TBCEL: variants seen among roughly 807,000 people sequenced by gnomAD.
TBCEL encodes tubulin folding cofactor E like, also known as tubulin-specific chaperone cofactor E-like protein.
In TBCEL, 15 loss-of-function variants were observed where a neutral mutation model predicts 44.2. The observed-to-expected ratio is 0.34, with a 90% confidence interval of 0.23 to 0.52. TBCEL has a LOEUF of 0.52. TBCEL is among the 20% of genes least tolerant of loss of function. The pLI is 0.95. For missense variants in TBCEL, 319 were observed against 506.3 expected, an observed-to-expected ratio of 0.63 and a Z score of 3.55; for synonymous variants, 171 against 185.4, an observed-to-expected ratio of 0.92 and a Z score of 0.63.
At chr11:121,047,378 C>T in intron 3 of TBCEL, 150 bp from the exon 4 acceptor site, 2 of 904,862 alleles carry the variant, frequency 2.2e-6, no homozygotes, top group Admixed American at 2.6e-5. Context: ...GGATTCAGTA[C>T]CCTTTGGTCC....
chr11:121,078,619 A>G (rs558320197), intron 8 of TBCEL, among the ~76,000 whole-genome samples: 18 of 152,132 alleles, frequency 1.2e-4, no homozygotes, highest in South Asian at 8.3e-4. Context: ...TTTCATCCTC[A>G]TTTCATGCAC....
chr11:121,084,064 C>T (rs987484260), intron 8 of TBCEL, among the ~76,000 whole-genome samples: 2 of 152,294 alleles, frequency 1.3e-5, no homozygotes, highest in Non-Finnish European at 2.9e-5. Context: ...AACGGGTGGA[C>T]TCCCTCTATA....
At chr11:121,024,620 G>T (rs957431606) in intron 1 of TBCEL, among the ~76,000 whole-genome samples, 1 of 152,122 alleles carries the variant, frequency 6.6e-6, no homozygotes, top group African/African-American at 2.4e-5. Flanking sequence ...GAATCTAGGC[G>T]TCTCACCTTG....
chr11:121,028,324 G>T (rs1354476814), intron 1 of TBCEL, among the ~76,000 whole-genome samples: 5 of 152,202 alleles, frequency 3.3e-5, no homozygotes, highest in Admixed American at 3.3e-4. Context: ...AAGCTGTCTG[G>T]ATGATTCTTC....
At chr11:121,049,614 C>G (rs1314297531) in intron 4 of TBCEL, among the ~76,000 whole-genome samples, 1 of 151,812 alleles carries the variant, frequency 6.6e-6, no homozygotes, top group Admixed American at 6.6e-5. Flanking sequence ...TAACAAATTA[C>G]AGATTGTGCC....
rs558334236 is a variant in TBCEL, at chr11:121,077,926, G to T, written c.957-8852G>T. On this transcript the variant is annotated intron_variant, in intron 8 of 8. Coordinates refer to ENST00000683345, the MANE Select transcript of TBCEL (RefSeq NM_001363644.2). ...TTTCCTTATCTTTCCAGGGATTTTC[G>T]TCATCTTTCTGTTAATTATTTCCAG... Among the ~76,000 whole-genome samples the T allele has an allele frequency of 3.3e-5, 5 of 151,854 alleles. No individual in the cohort carries two copies. The South Asian group carries it at 1.0e-3, about 32-fold the overall frequency.
In TBCEL at chr11:121,060,042, A is replaced by G. The variant is rs1945691631; in HGVS notation, c.913A>G (p.Ile305Val). 3 of 1,611,770 alleles carry G rather than the reference A, an allele frequency of 1.9e-6. No individual in the cohort carries two copies. The highest frequency in any genetic ancestry group is 2.5e-6 in the Non-Finnish European group (3 of 1,178,550). ...GEREDSERFF[I>V]RYYVDVPQEE... ...ACGAGAAGATTCTGAGAGATTTTTT[A>G]TTCGTTACTATGTGGATGTTCCACA... Residue 305 changes from isoleucine (I) to valine (V), a missense_variant, in exon 8 of 9, where the codon ATT becomes GTT. Physicochemically the swap from Ile to Val is conservative, Grantham distance 29. Transcript: ENST00000683345.
intron 8 of TBCEL, among the ~76,000 whole-genome samples, chr11:121,068,602 G>T (rs927143310): frequency 6.6e-6 from 1 of 152,050 alleles, no homozygotes; most frequent in Admixed American, 6.5e-5. Context: ...AAACAACAGA[G>T]GCTGGGCGCA....
intron 6 of TBCEL, among the ~76,000 whole-genome samples, chr11:121,057,793 G>A (rs181686952): frequency 1.8e-4 from 28 of 151,512 alleles, no homozygotes; most frequent in African/African-American, 6.3e-4. Flanking sequence ...AGGGACTTGA[G>A]CATCTGCGGA....
At chr11:121,032,493 T>A (rs1477855342) in intron 1 of TBCEL, among the ~76,000 whole-genome samples, 10 of 152,214 alleles carry the variant, frequency 6.6e-5, no homozygotes, top group Admixed American at 6.5e-4. Context: ...TAGTTTCTGT[T>A]TAAAGACATT....
chr11:121,055,338 TG>T (rs1325827420), intron 6 of TBCEL, 30 bp downstream of exon 6: 1 of 1,551,622 alleles, frequency 6.4e-7, no homozygotes, highest in Non-Finnish European at 8.7e-7. Context: ...TTATTCTACA[TG>T]CAAATTAACC....
rs904950878 is a variant in TBCEL, at chr11:121,090,544, T to G, written c.*3448T>G. ...ACCAGATGTGTTGTGAACACTCTAC[T>G]ATTTTTCATAGGTGCTTCCTTGAAA... is the stretch of plus-strand genomic sequence containing the variant. On this transcript the variant is annotated 3_prime_UTR_variant, in exon 9 of 9. Transcript: ENST00000683345. The G allele has an allele frequency of 4.1e-4, 63 of 152,242 alleles. No homozygotes were observed. The highest frequency in any genetic ancestry group is 1.4e-3 in the African/African-American group (57 of 41,566). The allele number at this position is 152,242 out of a possible 1,614,324, so 9.4% of individuals were successfully genotyped here.
chr11:121,080,653 T>G (rs563576314), intron 8 of TBCEL, among the ~76,000 whole-genome samples: 5 of 152,320 alleles, frequency 3.3e-5, no homozygotes, highest in Admixed American at 3.3e-4. Flanking sequence ...AAAAAATTAA[T>G]GTTTGTTTTA....
intron 5 of TBCEL, 59 bp downstream of exon 5, chr11:121,053,791 G>A: frequency 6.6e-7 from 1 of 1,520,710 alleles, no homozygotes; most frequent in Non-Finnish European, 9.0e-7. Context: ...TAGTACATAG[G>A]AGTACTGCTG....
chr11:121,062,552 A>G (rs751508695), intron 8 of TBCEL, among the ~76,000 whole-genome samples: 4 of 152,114 alleles, frequency 2.6e-5, no homozygotes, highest in African/African-American at 7.2e-5. Flanking sequence ...TCTGTGGTCC[A>G]TTGTTGACCA....
intron 8 of TBCEL, among the ~76,000 whole-genome samples, chr11:121,079,960 G>A (rs1419610297): frequency 3.9e-5 from 6 of 152,006 alleles, no homozygotes; most frequent in African/African-American, 9.7e-5. Flanking sequence ...GATTACAGGC[G>A]CACACCACCA....
In TBCEL at chr11:121,056,994, T is replaced by A. The variant is rs1227063619; in HGVS notation, c.713-1351T>A. Among the ~76,000 whole-genome samples, 3 of 151,896 alleles carry A rather than the reference T, an allele frequency of 2.0e-5. No individual in the cohort carries two copies. In the East Asian group the frequency reaches 5.8e-4, roughly 29 times the overall value. On this transcript the variant is annotated intron_variant, in intron 6 of 8. Coordinates refer to ENST00000683345, the MANE Select transcript of TBCEL (RefSeq NM_001363644.2). ...CTGAAAATACCTACATAATTAGAAA[T>A]AACTCTAACCTACAACTGAAGAAAC...
rs1945542238 is a variant in TBCEL, at chr11:121,052,272, T to A, written c.274-1279T>A. 2.0e-5 allele frequency among the ~76,000 whole-genome samples: 3 copies of A among 151,960 alleles called. No homozygotes were observed. The South Asian group carries it at 6.2e-4, about 31-fold the overall frequency. ...GTACTATATCTGCTTTTATAGAGCT[T>A]ACATGCTAGTTGGGGGTACGTAGGG... On this transcript the variant is annotated intron_variant, in intron 4 of 8. Coordinates refer to ENST00000683345, the MANE Select transcript of TBCEL (RefSeq NM_001363644.2).
At chr11:121,024,783 A>C (rs1039990640) in intron 1 of TBCEL, among the ~76,000 whole-genome samples, 1 of 152,216 alleles carries the variant, frequency 6.6e-6, no homozygotes, top group South Asian at 2.1e-4. Flanking sequence ...AAGGACGGGC[A>C]TGTCTAGGCC....
Sources: gnomAD v4.1 joint callset for allele counts (sites outside exome capture counted in the v4.1 genomes callset) on GRCh38, gnomAD v4.1.1 for gene constraint, MANE v1.5 for transcripts, NCBI Gene and HGNC (gene_info 2026-07-23, HGNC 2026-07-21) for gene names.